NIN: variants seen among roughly 807,000 people sequenced by gnomAD.
NIN encodes the protein ninein.
Under a neutral mutation model 257.6 loss-of-function variants are expected in NIN, and 137 were observed. That is an observed-to-expected ratio of 0.53 (90% CI 0.46 to 0.61). The LOEUF (loss-of-function observed/expected upper bound fraction) is 0.61. Ranked by LOEUF, NIN falls within the 20% of genes least tolerant of loss-of-function variation. The pLI is 0.00. For synonymous variants in NIN, 918 were observed against 919.8 expected (o/e 1.00, Z 0.04); for missense variants, 2,439 against 2,501.2 (o/e 0.98, Z 0.53).
intron 3 of NIN, among the ~76,000 whole-genome samples, chr14:50,809,595 G>A (rs919393115): frequency 6.6e-6 from 1 of 152,162 alleles, no homozygotes; most frequent in Non-Finnish European, 1.5e-5. Flanking sequence ...TTCTAAAGGC[G>A]TAAGTTTTGA....
intron 21 of NIN, among the ~76,000 whole-genome samples, chr14:50,749,108 CAG>C (rs1205262852): frequency 2.6e-5 from 4 of 152,136 alleles, no homozygotes; most frequent in Non-Finnish European, 2.9e-5. Context: ...GGTACCAAAA[CAG>C]ATATATAGAC....
chr14:50,760,415 T>C, intron 16 of NIN, 56 bp from the exon 17 acceptor site: 1 of 1,390,572 alleles, frequency 7.2e-7, no homozygotes, highest in Non-Finnish European at 9.7e-7. Flanking sequence ...TCACTGAAAG[T>C]GAAGTGATGG....
chr14:50,791,837 A>ACACACACT (rs2043610178), intron 5 of NIN, among the ~76,000 whole-genome samples: 1 of 152,094 alleles, frequency 6.6e-6, no homozygotes, highest in African/African-American at 2.4e-5. Context: ...ACACACACAC[A>ACACACACT]CAGAGTCCAC....
chr14:50,723,411 T>A lies in NIN; in HGVS notation c.*52A>T, dbSNP rs1595683214. On this transcript the variant is annotated 3_prime_UTR_variant, in exon 31 of 31. Coordinates refer to ENST00000530997, the MANE Select transcript of NIN (RefSeq NM_020921.4). Reference sequence around the variant, plus strand: ...ATTTTAAGTTGAGAACCTACTGAAATGTTCATCTATTTCAGTAAAGTGCAC... The same window carrying A: ...ATTTTAAGTTGAGAACCTACTGAAAAGTTCATCTATTTCAGTAAAGTGCAC... The A allele has an allele frequency of 1.4e-5, 21 of 1,498,140 alleles. No individual in the cohort carries two copies. The East Asian group carries it at 4.8e-4, about 34-fold the overall frequency. 92.8% of individuals were successfully genotyped at this position (1,498,140 alleles called of 1,614,324 possible).
chr14:50,787,665 G>A (rs2043403946), intron 5 of NIN, among the ~76,000 whole-genome samples: 1 of 152,184 alleles, frequency 6.6e-6, no homozygotes, highest in African/African-American at 2.4e-5. Flanking sequence ...AAGATGAGAG[G>A]TCAGACTCCC....
In NIN at chr14:50,723,426, G is replaced by A; in HGVS notation, c.*37C>T. On this transcript the variant is annotated 3_prime_UTR_variant, in exon 31 of 31. Transcript: ENST00000530997. ...CCTACTGAAATGTTCATCTATTTCA[G>A]TAAAGTGCACAAATATGAGTGTACC... is the stretch of plus-strand genomic sequence containing the variant. The A allele has an allele frequency of 1.9e-6, 3 of 1,564,804 alleles. No homozygotes were observed. The highest frequency in any genetic ancestry group is 2.6e-6 in the Non-Finnish European group (3 of 1,139,090).
In NIN at chr14:50,756,577, C is replaced by G. The variant is rs949414080; in HGVS notation, c.4453G>C (p.Gly1485Arg). ...GCCTTCAGCTCTTCCTCCTTTTCTC[C>G]GTGAGAAAGTACATCTTTTTGCTTA... is the stretch of plus-strand genomic sequence containing the variant. ...LVKQKDVLSHGEKEEELKAMM... is the reference protein window; with the variant it reads ...LVKQKDVLSHREKEEELKAMM... The change falls in exon 18 of 31, where the codon GGA becomes CGA. Residue 1485 changes from glycine to arginine, a missense_variant. Physicochemically the swap from Gly to Arg is moderately radical, Grantham distance 125 (BLOSUM62 -2). This residue lies in a region of NIN where 2,043 missense variants were observed against 2,050.2 expected (regional missense o/e 1.00). Coordinates refer to ENST00000530997, the MANE Select transcript of NIN (RefSeq NM_020921.4). The G allele has an allele frequency of 6.2e-7, 1 of 1,610,836 alleles. No homozygotes were observed. Among genetic ancestry groups the G allele is most frequent in the African/African-American group, 1.3e-5 (1 of 74,986 alleles).
At chr14:50,745,089 T>C (rs2041476394) in intron 22 of NIN, among the ~76,000 whole-genome samples, 2 of 152,306 alleles carry the variant, frequency 1.3e-5, no homozygotes, top group East Asian at 1.9e-4. Flanking sequence ...GGTGCGAACA[T>C]ACTGGCTTTT....
In NIN at chr14:50,760,228, A is replaced by G; in HGVS notation, c.2028T>C (p.Ile676=). ...CTGCTGCTTGCCCCTGAAGTTCAGC[A>G]ATTTCATTTTTAAGGTCACTTATTT... is the stretch of plus-strand genomic sequence containing the variant. ...EKQISDLKNE[I]AELQGQAAVL... is the part of the protein sequence containing the mutation. Residue 676 remains isoleucine, a synonymous_variant, in exon 17 of 31, where the codon ATT becomes ATC. Transcript: ENST00000530997. 1.2e-6 allele frequency: 2 copies of G among 1,613,386 alleles called. No homozygotes were observed. The highest frequency in any genetic ancestry group is 1.1e-5 in the South Asian group (1 of 91,086).
intron 5 of NIN, among the ~76,000 whole-genome samples, chr14:50,787,861 T>C (rs1201312105): frequency 1.3e-5 from 2 of 152,142 alleles, no homozygotes; most frequent in Non-Finnish European, 1.5e-5. Context: ...CCCTACAGAG[T>C]AGCTTTATTG....
rs761812915 is a variant in NIN, at chr14:50,757,416, T to C, written c.3614A>G (p.Glu1205Gly). 2 of 1,614,186 alleles carry C rather than the reference T, an allele frequency of 1.2e-6. No homozygotes were observed. Among genetic ancestry groups the C allele is most frequent in the South Asian group, 2.2e-5 (2 of 91,088 alleles). ...ELKNQISQLQ[E>G]QLMMLCADCD... ...GTCCGCACATAACATCATTAGCTGT[T>C]CCTGAAGCTGACTAATCTGATTCTT... Residue 1205 changes from glutamate to glycine, a missense_variant, in exon 18 of 31, where the codon GAA becomes GGA. This residue lies in a region of NIN where 2,043 missense variants were observed against 2,050.2 expected (regional missense o/e 1.00). Coordinates refer to ENST00000530997, the MANE Select transcript of NIN (RefSeq NM_020921.4).
At chr14:50,758,683 AAAC>A in intron 17 of NIN, 53 bp from the exon 18 acceptor site, 1 of 1,491,290 alleles carries the variant, frequency 6.7e-7, no homozygotes, top group Non-Finnish European at 8.9e-7. Context: ...CTCCAGAAGC[AAAC>A]AAAAACCATT....
At chr14:50,768,449 T>C (rs1595823416) in intron 12 of NIN, among the ~76,000 whole-genome samples, 2 of 152,154 alleles carry the variant, frequency 1.3e-5, no homozygotes, top group Non-Finnish European at 2.9e-5. Flanking sequence ...TGGATACAAC[T>C]CTATATGACC....
Position 50,754,825 on chromosome 14 carries a change from T to A in NIN, c.4581A>T (p.Arg1527Ser). 3 of 1,583,210 alleles carry A rather than the reference T, an allele frequency of 1.9e-6. No individual in the cohort carries two copies. Among genetic ancestry groups the A allele is most frequent in the Non-Finnish European group, 1.7e-6 (2 of 1,166,884 alleles). ...EKLQQENSIL[R>S]NEITTLNEED... ...CTTCATTTAAAGTAGTAATTTCATT[T>A]CTCAAAATAGAATTTTCCTGTTGAA... The change falls in exon 19 of 31, where the codon AGA (arginine) becomes AGT (serine). Residue 1527 changes from arginine to serine, a missense_variant. By Grantham distance (110) the Arg-to-Ser change is moderately radical. Coordinates refer to ENST00000530997, the MANE Select transcript of NIN (RefSeq NM_020921.4).
chr14:50,719,771 AC>A lies in NIN; in HGVS notation c.*3691del, dbSNP rs1181077490. ...ACCATTCTAAAGACCAATGATAAAT[AC>A]ACTGAAACTTTATTAAAAGGTCAGG... is the stretch of plus-strand genomic sequence containing the variant. On this transcript the variant is annotated 3_prime_UTR_variant, in exon 31 of 31. Transcript: ENST00000530997. 6 of 184,366 alleles carry A rather than the reference AC, an allele frequency of 3.3e-5. No individual in the cohort carries two copies. The highest frequency in any genetic ancestry group is 6.9e-5 in the Non-Finnish European group (6 of 86,544). 11.4% of individuals were successfully genotyped at this position (184,366 alleles called of 1,614,324 possible). A position where few individuals can be genotyped will look rare whatever the true frequency, so the allele number is the denominator to read the frequency against.
At position 50,750,814 on chromosome 14, in the gene NIN, G is replaced by A. The variant is rs2041755236; in HGVS notation, c.4950+1704C>T. ...GTGAAACGTTACTATGGTTCTAAGA[G>A]TCAGAGCTATACGAAAAGATAAACT... On this transcript the variant is annotated intron_variant, in intron 21 of 30. Coordinates refer to ENST00000530997, the MANE Select transcript of NIN (RefSeq NM_020921.4). Among the ~76,000 whole-genome samples the A allele has an allele frequency of 2.0e-5, 3 of 152,172 alleles. No individual in the cohort carries two copies. In the South Asian group the frequency reaches 6.2e-4, roughly 31 times the overall value.
intron 22 of NIN, among the ~76,000 whole-genome samples, chr14:50,745,858 A>C (rs138138572): frequency 6.6e-6 from 1 of 152,140 alleles, no homozygotes; most frequent in Non-Finnish European, 1.5e-5. Flanking sequence ...ATGAATCACG[A>C]TATCATACAG....
chr14:50,811,777 A>G (rs942917434), intron 3 of NIN, among the ~76,000 whole-genome samples: 9 of 151,728 alleles, frequency 5.9e-5, no homozygotes, highest in African/African-American at 2.2e-4. Flanking sequence ...GGCGGATCAC[A>G]AGGTCAGGAG....
chr14:50,793,606 T>A (rs74051923), intron 4 of NIN, among the ~76,000 whole-genome samples: 1,716 of 152,266 alleles, frequency 0.011, 26 homozygotes, highest in African/African-American at 0.038. Flanking sequence ...GTGCATGAGG[T>A]GAGAGTCATC....
Sources: allele counts gnomAD v4.1 joint callset (sites outside exome capture counted in the v4.1 genomes callset), GRCh38; gene constraint gnomAD v4.1.1; regional missense constraint gnomAD v4.1.1; transcripts MANE v1.5; gene names NCBI Gene and HGNC (gene_info 2026-07-23, HGNC 2026-07-21).